The following TBC1D15 variants were observed in gnomAD, a reference collection of about 807,000 sequenced individuals.
The protein encoded by TBC1D15 is TBC1 domain family member 15, also known as GAP for RAB7.
A neutral mutation model predicts 95.4 loss-of-function variants in TBC1D15; 39 were observed. The ratio of observed to expected loss-of-function variants is 0.41; its 90% CI spans 0.32 to 0.53. The LOEUF is 0.53. Ranked by LOEUF, TBC1D15 falls within the 20% of genes least tolerant of loss-of-function variation. The pLI is 0.29. For synonymous variants in TBC1D15, 258 were observed against 261.3 expected, an observed-to-expected ratio of 0.99 and a Z score of 0.12; for missense variants, 733 against 794.3, an observed-to-expected ratio of 0.92 and a Z score of 0.93.
rs1262401612 is a variant in TBC1D15 at position 71,914,576 on chromosome 12, GA to G, written c.1401+655del. 3.9e-5 allele frequency among the ~76,000 whole-genome samples: 6 copies of G among 152,006 alleles called. No homozygotes were observed. In the East Asian group the frequency reaches 1.2e-3, roughly 29 times the overall value. On this transcript the variant is annotated intron_variant, in intron 12 of 16. Coordinates refer to ENST00000485960, the MANE Select transcript of TBC1D15 (RefSeq NM_001146213.3). ...AGAAAAGTCTCTTCAAGCAATCTCAGAAAAATAAAAGCAGAAGGGGTGAGAC... is the reference window on the plus strand; with the variant it reads ...AGAAAAGTCTCTTCAAGCAATCTCAGAAAATAAAAGCAGAAGGGGTGAGAC...
chr12:71,849,638 G>T, intron 1 of TBC1D15: 2 of 580,382 alleles, frequency 3.4e-6, no homozygotes, highest in South Asian at 3.3e-5. Context: ...TGGAGACATC[G>T]TCAGCTAGTC....
At chr12:71,879,445 G>GTCTCTGTT (rs1894685927) in intron 3 of TBC1D15, among the ~76,000 whole-genome samples, 1 of 152,010 alleles carries the variant, frequency 6.6e-6, no homozygotes, top group Non-Finnish European at 1.5e-5. Flanking sequence ...TCCCTTACCT[G>GTCTCTGTT]TCTCTGTTTA....
chr12:71,897,661 G>C (rs1218142027), intron 9 of TBC1D15, among the ~76,000 whole-genome samples, 186 bp from the exon 10 acceptor site: 1 of 151,730 alleles, frequency 6.6e-6, no homozygotes, highest in Non-Finnish European at 1.5e-5. Flanking sequence ...ATATTTATCG[G>C]TTATTTTTTT....
At position 71,894,329 on chromosome 12, in the gene TBC1D15, G is replaced by A. The variant is rs140141653; in HGVS notation, c.658-357G>A. On this transcript the variant is annotated intron_variant, in intron 6 of 16. Coordinates refer to ENST00000485960, the MANE Select transcript of TBC1D15 (RefSeq NM_001146213.3). Reference sequence around the variant, plus strand: ...AAATATTTTTTTTGTATGAAGGCAGGACTGCTAGACAGAAGAAAGCTGTTG... The same window carrying A: ...AAATATTTTTTTTGTATGAAGGCAGAACTGCTAGACAGAAGAAAGCTGTTG... The A allele has an allele frequency of 1.7e-4, 279 of 1,612,530 alleles. 1 individual carries two copies. The African/African-American group carries it at 3.1e-3, about 18-fold the overall frequency.
At chr12:71,913,625 A>G (rs1481591847) in intron 11 of TBC1D15, 3 of 469,484 alleles carry the variant, frequency 6.4e-6, no homozygotes, top group African/African-American at 2.1e-5. Context: ...ATCTCAATCT[A>G]AAACAACTCA....
rs377578879 is a variant in TBC1D15, at chr12:71,880,456, A to G, written c.205-13A>G. ...TTAGACTTTAAATATTTTATATGTT[A>G]TAATTATTTTAGGACTCCAGTTCAG... On this transcript the variant is annotated splice_polypyrimidine_tract_variant and intron_variant, in intron 3 of 16. Coordinates refer to ENST00000485960, the MANE Select transcript of TBC1D15 (RefSeq NM_001146213.3). 7 of 1,536,350 alleles carry G rather than the reference A, an allele frequency of 4.6e-6. No homozygotes were observed. The highest frequency in any genetic ancestry group is 2.8e-5 in the African/African-American group (2 of 71,842).
intron 10 of TBC1D15, among the ~76,000 whole-genome samples, chr12:71,906,437 C>A (rs1202523889): frequency 1.3e-5 from 2 of 152,042 alleles, no homozygotes; most frequent in African/African-American, 4.8e-5. Flanking sequence ...GATGATGTTT[C>A]CAAATCTGTT....
intron 11 of TBC1D15, among the ~76,000 whole-genome samples, chr12:71,912,878 T>TC (rs1358855464): frequency 6.6e-6 from 1 of 152,088 alleles, no homozygotes; most frequent in African/African-American, 2.4e-5. Flanking sequence ...TAAGTTCGTG[T>TC]CCCTTCATTG....
intron 12 of TBC1D15, 122 bp downstream of exon 12, chr12:71,914,048 C>G: frequency 1.6e-6 from 1 of 638,518 alleles, no homozygotes; most frequent in East Asian, 3.4e-5. Context: ...TTACCTCATG[C>G]CTTTTGTTAC....
chr12:71,864,250 A>G (rs911714596), intron 1 of TBC1D15, among the ~76,000 whole-genome samples: 2 of 151,782 alleles, frequency 1.3e-5, no homozygotes, highest in East Asian at 2.0e-4. Flanking sequence ...TTGCATTTTT[A>G]GTACAGATGG....
chr12:71,923,116 T>A lies in TBC1D15; in HGVS notation c.1937T>A (p.Leu646Ter). 7 of 1,614,196 alleles carry A rather than the reference T, an allele frequency of 4.3e-6. No homozygotes were observed. In the South Asian group the frequency reaches 6.6e-5, roughly 15 times the overall value. ...CPTSAFQSNA[L>*]PTLSASGARN... ...ACATCTGCATTTCAAAGTAATGCCT[T>A]GCCTACACTCTCTGCCAGTGGAGCC... The change falls in exon 17 of 17, where the codon TTG (leucine) becomes TAG (stop). Residue 646 changes from leucine to a stop codon, truncating the protein, a stop_gained. Transcript: ENST00000485960. LOFTEE classifies it high-confidence loss of function.
chr12:71,918,346 G>A lies in TBC1D15; in HGVS notation c.1502-105G>A, dbSNP rs563265545. 9 of 632,096 alleles carry A rather than the reference G, an allele frequency of 1.4e-5. 1 individual carries two copies. The East Asian group carries it at 2.5e-4, about 18-fold the overall frequency. The allele number at this position is 632,096 out of a possible 1,614,324, so 39.2% of individuals were successfully genotyped here. ...TTAACGTAGAAGACAAATGTATAGG[G>A]CCTTGAATTGCCTAAGATGCATAGG... On this transcript the variant is annotated intron_variant, in intron 13 of 16. Coordinates refer to ENST00000485960, the MANE Select transcript of TBC1D15 (RefSeq NM_001146213.3).
chr12:71,913,748 A>T (rs1403236136), intron 11 of TBC1D15, 78 bp from the exon 12 acceptor site: 1 of 898,616 alleles, frequency 1.1e-6, no homozygotes, highest in African/African-American at 1.8e-5. Flanking sequence ...TTTAAGCGAA[A>T]TGGTGGTGAT....
chr12:71,918,460 ACT>A lies in TBC1D15; in HGVS notation c.1514_1515del (p.Ser505TrpfsTer19). On this transcript the variant is annotated frameshift_variant, in exon 14 of 17. Transcript: ENST00000485960. LOFTEE classifies it high-confidence loss of function. ...TTTTTCTTCTGCATAGAATCTCAGG[ACT>A]CTGGATACCTTTATTTTTGCTTCAG... is the stretch of plus-strand genomic sequence containing the variant. 6.3e-7 allele frequency: 1 copy of A among 1,599,746 alleles called. No homozygotes were observed. Among genetic ancestry groups the A allele is most frequent in the Non-Finnish European group, 8.5e-7 (1 of 1,173,394 alleles).
In TBC1D15 at chr12:71,921,251, TTTTTA is replaced by T. The variant is rs1255435431; in HGVS notation, c.1717-111_1717-107del. ...CTTACGTATTTGTAGTATATGAATG[TTTTTA>T]TTTTAAGGATTTTATCTGCAGTGAA... On this transcript the variant is annotated intron_variant, in intron 15 of 16. Transcript: ENST00000485960. The T allele has an allele frequency of 1.7e-5, 8 of 471,278 alleles. No homozygotes were observed. In the East Asian group the frequency reaches 2.8e-4, roughly 16 times the overall value. The allele number at this position is 471,278 out of a possible 1,614,324, so 29.2% of individuals were successfully genotyped here. A position where few individuals can be genotyped will look rare whatever the true frequency, so the allele number is the denominator to read the frequency against.
intron 11 of TBC1D15, among the ~76,000 whole-genome samples, chr12:71,911,002 G>A (rs1283453888): frequency 6.6e-6 from 1 of 152,116 alleles, no homozygotes; most frequent in Non-Finnish European, 1.5e-5. Flanking sequence ...CATTTATGCA[G>A]CCAAAAAACA....
chr12:71,880,439 T>C (rs1025839529), intron 3 of TBC1D15, 30 bp from the exon 4 acceptor site: 13 of 1,508,464 alleles, frequency 8.6e-6, no homozygotes, highest in Non-Finnish European at 1.2e-5. Context: ...TTTTAGACTT[T>C]AAATATTTTA....
At position 71,918,439 on chromosome 12, in the gene TBC1D15, T is replaced by C. The variant is rs777424191; in HGVS notation, c.1502-12T>C. On this transcript the variant is annotated splice_polypyrimidine_tract_variant and intron_variant, in intron 13 of 16. Coordinates refer to ENST00000485960, the MANE Select transcript of TBC1D15 (RefSeq NM_001146213.3). ...AGAGTAAGTCATATGTGTGTTTTTTTCTTCTGCATAGAATCTCAGGACTCT... is the reference window on the plus strand; with the variant it reads ...AGAGTAAGTCATATGTGTGTTTTTTCCTTCTGCATAGAATCTCAGGACTCT... The C allele has an allele frequency of 8.3e-5, 129 of 1,547,606 alleles. No homozygotes were observed. The highest frequency in any genetic ancestry group is 1.1e-4 in the Non-Finnish European group (121 of 1,136,930).
At chr12:71,880,387 C>T in intron 3 of TBC1D15, 82 bp from the exon 4 acceptor site, 1 of 1,246,118 alleles carries the variant, frequency 8.0e-7, no homozygotes, top group Non-Finnish European at 1.1e-6. Flanking sequence ...AGCCTGCCTA[C>T]AAACATTGAA....
Sources: gnomAD v4.1 joint callset for allele counts (sites outside exome capture counted in the v4.1 genomes callset) on GRCh38, gnomAD v4.1.1 for gene constraint, MANE v1.5 for transcripts, NCBI Gene and HGNC (gene_info 2026-07-23, HGNC 2026-07-21) for gene names.